The following RYR1 variants were observed in gnomAD, a reference collection of about 807,000 sequenced individuals.
RYR1 encodes the protein central core disease of muscle.
Under a neutral mutation model 583.5 loss-of-function variants are expected in RYR1, and 342 were observed. The observed-to-expected ratio is 0.59, with a 90% CI of 0.54 to 0.64. RYR1 has a LOEUF of 0.64. RYR1 is among the 30% of genes least tolerant of loss of function. The pLI is 0.00. For missense variants in RYR1, 6,032 were observed against 6,917.2 expected (o/e 0.87, Z 4.54); for synonymous variants, 2,791 against 2,822.5 (o/e 0.99, Z 0.35).
chr19:38,563,392 G>A (rs950573876), intron 90 of RYR1, among the ~76,000 whole-genome samples: 2 of 152,206 alleles, frequency 1.3e-5, no homozygotes, highest in Admixed American at 1.3e-4. Flanking sequence ...AGCCTCCTGA[G>A]TAGCTGAGAT....
At chr19:38,532,938 G>C (rs944915116) in intron 78 of RYR1, among the ~76,000 whole-genome samples, 5 of 152,088 alleles carry the variant, frequency 3.3e-5, no homozygotes, top group African/African-American at 1.2e-4. Flanking sequence ...CAGGCAGAGG[G>C]GTCAGGGCTG....
At chr19:38,528,549 G>A (rs1460327388) in intron 74 of RYR1, 50 bp from the exon 75 acceptor site, 1 of 1,607,806 alleles carries the variant, frequency 6.2e-7, no homozygotes, top group Non-Finnish European at 8.5e-7. Context: ...GGGAGGTCGG[G>A]AAGCACGGAG....
At chr19:38,457,985 T>C in intron 17 of RYR1, 66 bp from the exon 18 acceptor site, 1 of 1,554,158 alleles carries the variant, frequency 6.4e-7, no homozygotes, top group Non-Finnish European at 8.8e-7. Flanking sequence ...CTCTCTGGCT[T>C]CCCACCACTT....
chr19:38,585,279 A>G (rs574678149), intron 102 of RYR1, among the ~76,000 whole-genome samples, 180 bp downstream of exon 102: 5 of 151,606 alleles, frequency 3.3e-5, no homozygotes, highest in African/African-American at 4.9e-5. Flanking sequence ...GAGGGTGTCA[A>G]TGGTACTAAC....
At chr19:38,532,645 T>A in intron 77 of RYR1, 26 bp from the exon 78 acceptor site, 3 of 1,613,986 alleles carry the variant, frequency 1.9e-6, no homozygotes, top group Non-Finnish European at 2.5e-6. Context: ...GCTTTGTTCA[T>A]CCCTTAACTG....
intron 84 of RYR1, chr19:38,538,512 A>G (rs1972071719): frequency 6.5e-6 from 1 of 154,888 alleles, no homozygotes; most frequent in African/African-American, 2.4e-5. Flanking sequence ...TTGGCCAAAA[A>G]TCAATTTGCC....
rs771980785 is a variant in RYR1, at chr19:38,517,577, C to G, written c.9904C>G (p.Pro3302Ala). The change falls in exon 66 of 106, where the codon CCA (proline) becomes GCA (alanine). Residue 3302 changes from proline to alanine, a missense_variant. Physicochemically the swap from Pro to Ala is conservative, Grantham distance 27. Around this residue, in one of 11 missense-constraint regions of RYR1, gnomAD observed 1,493 missense variants for 1,715.5 expected, o/e 0.87. Coordinates refer to ENST00000359596, the MANE Select transcript of RYR1 (RefSeq NM_000540.3). The stretch of plus-strand genomic sequence containing the variant: ...TTCCGCCCTGCCCGCCGGCGCCCCC[C>G]CACCCTGCACAGCTGTCACCTCTGA... ...PPSALPAGAP[P>A]PCTAVTSDHL... 1.2e-6 allele frequency: 2 copies of G among 1,613,870 alleles called. No homozygotes were observed. The highest frequency in any genetic ancestry group is 1.1e-5 in the South Asian group (1 of 91,090).
At chr19:38,511,484 T>C (rs1357111929) in intron 60 of RYR1, 77 bp from the exon 61 acceptor site, 1 of 1,455,726 alleles carries the variant, frequency 6.9e-7, no homozygotes, top group African/African-American at 1.4e-5. Flanking sequence ...CTCCTCTAAT[T>C]GGGTCACGCT....
rs2145869568 is a variant in RYR1, at chr19:38,572,067, G to A, written c.13795G>A (p.Gly4599Arg). 6.2e-7 allele frequency: 1 copy of A among 1,614,172 alleles called. No homozygotes were observed. The highest frequency in any genetic ancestry group is 8.5e-7 in the Non-Finnish European group (1 of 1,180,034). ...GEDDMEGSAA[G>R]DVSGAGSGGS... ...GGACGACATGGAAGGCTCAGCTGCT[G>A]GGGATGTGTCAGGTGCAGGCTCTGG... Residue 4599 changes from glycine (G) to arginine (R), a missense_variant, in exon 95 of 106, where the codon GGG becomes AGG. Transcript: ENST00000359596.
rs2145832508 is a variant in RYR1 at position 38,561,574 on chromosome 19, G to A, written c.12624+120G>A. ...GTGCCTCGCATATCTGCCCTGCTCCGGCAAGCCCACGCCCACCCTTTTGTA... is the reference window on the plus strand; with the variant it reads ...GTGCCTCGCATATCTGCCCTGCTCCAGCAAGCCCACGCCCACCCTTTTGTA... On this transcript the variant is annotated intron_variant, in intron 90 of 105. Coordinates refer to ENST00000359596, the MANE Select transcript of RYR1 (RefSeq NM_000540.3). The surrounding 1 kb of genome is among the most constrained non-coding windows in gnomAD (Gnocchi z 4.8). The A allele has an allele frequency of 6.1e-6, 6 of 984,906 alleles. No individual in the cohort carries two copies. The highest frequency in any genetic ancestry group is 1.6e-5 in the South Asian group (1 of 63,316). 61.0% of individuals were successfully genotyped at this position (984,906 alleles called of 1,614,324 possible). A position where few individuals can be genotyped will look rare whatever the true frequency, so the allele number is the denominator to read the frequency against.
In RYR1 at chr19:38,578,137, C is replaced by T; in HGVS notation, c.14304-7C>T. On this transcript the variant is annotated splice_region_variant and splice_polypyrimidine_tract_variant and intron_variant, in intron 98 of 105. Transcript: ENST00000359596. ...TCAAGCATCTCTCCCCACCCCCGCC[C>T]CCACAGGCTCATGTCCATCGATGTC... is the stretch of plus-strand genomic sequence containing the variant. The T allele has an allele frequency of 6.2e-7, 1 of 1,613,532 alleles. No individual in the cohort carries two copies. The highest frequency in any genetic ancestry group is 8.5e-7 in the Non-Finnish European group (1 of 1,179,756).
Position 38,499,602 on chromosome 19 carries a change from C to T in RYR1, c.7028-33C>T, listed in dbSNP as rs779031842. ...CATGGGGAGGTCTCTGATGGTGGCTCATGAGACCCCCTTTCCCCATGCGGG... is the reference window on the plus strand; with the variant it reads ...CATGGGGAGGTCTCTGATGGTGGCTTATGAGACCCCCTTTCCCCATGCGGG... On this transcript the variant is annotated intron_variant, in intron 43 of 105. Coordinates refer to ENST00000359596, the MANE Select transcript of RYR1 (RefSeq NM_000540.3). The surrounding 1 kb of genome is among the most constrained non-coding windows in gnomAD (Gnocchi z 7.3). The T allele has an allele frequency of 8.8e-6, 14 of 1,595,168 alleles. No individual in the cohort carries two copies. The highest frequency in any genetic ancestry group is 1.2e-5 in the Non-Finnish European group (14 of 1,178,798).
At chr19:38,548,880 C>A (rs1972544659) in intron 89 of RYR1, among the ~76,000 whole-genome samples, 1 of 152,176 alleles carries the variant, frequency 6.6e-6, no homozygotes, top group South Asian at 2.1e-4. Context: ...CCTCGCTCAG[C>A]CCCCTTGGGT....
Position 38,466,110 on chromosome 19 carries a change from T to C in RYR1, c.2890T>C (p.Tyr964His). 1 of 1,611,262 alleles carries C rather than the reference T, an allele frequency of 6.2e-7. No individual in the cohort carries two copies. ...CCGCAGGTATATGATGAGCAATGGGTACAAGCCGGCTCCGCTGGACCTGAG... is the reference window on the plus strand; with the variant it reads ...CCGCAGGTATATGATGAGCAATGGGCACAAGCCGGCTCCGCTGGACCTGAG... ...LPKTYMMSNG[Y>H]KPAPLDLSHV... The change falls in exon 24 of 106, where the codon TAC (tyrosine) becomes CAC (histidine). Residue 964 changes from tyrosine to histidine, a missense_variant. This residue lies in a region of RYR1 where 2,627 missense variants were observed against 2,961.3 expected (regional missense o/e 0.89). Coordinates refer to ENST00000359596, the MANE Select transcript of RYR1 (RefSeq NM_000540.3).
chr19:38,528,973 AGGAG>A lies in RYR1; in HGVS notation c.11059_11062del (p.Glu3687LysfsTer23). ...CAGAAAGCTGGGGAGCAGGAGGAGG[AGGAG>A]GAAGAGGTGGAAGAGAAGAAGCCAG... On this transcript the variant is annotated frameshift_variant, in exon 76 of 106. Transcript: ENST00000359596. LOFTEE classifies it high-confidence loss of function. 6.2e-7 allele frequency: 1 copy of A among 1,611,454 alleles called. No individual in the cohort carries two copies. The highest frequency in any genetic ancestry group is 8.5e-7 in the Non-Finnish European group (1 of 1,178,832).
intron 93 of RYR1, among the ~76,000 whole-genome samples, chr19:38,568,802 C>T (rs947446812): frequency 6.6e-6 from 1 of 151,396 alleles, no homozygotes; most frequent in Non-Finnish European, 1.5e-5. Context: ...TCATGTGGAA[C>T]GAAGGTGGTT....
chr19:38,584,495 A>C (rs1599672830), intron 101 of RYR1, among the ~76,000 whole-genome samples: 1 of 14,240 alleles, frequency 7.0e-5, no homozygotes, highest in Non-Finnish European at 1.2e-4. Context: ...TCCAGCCCTG[A>C]CCCCTCTGCC....
In RYR1 at chr19:38,532,700, C is replaced by T. The variant is rs565620143; in HGVS notation, c.11223C>T (p.Asn3741=). The T allele has an allele frequency of 8.7e-6, 14 of 1,613,958 alleles. No homozygotes were observed. Among genetic ancestry groups the T allele is most frequent in the Admixed American group, 6.7e-5 (4 of 59,990 alleles). Residue 3741 remains asparagine (N), a synonymous_variant, in exon 78 of 106, where the codon AAC becomes AAT. Transcript: ENST00000359596. The part of the protein sequence containing the change: ...KSCHLEEGGE[N]GEAEEEVEVS... ...GCCACCTGGAGGAGGGAGGGGAGAA[C>T]GGTGAAGCTGAAGAGGAGGTTGAGG...
rs772028870 is a variant in RYR1, at chr19:38,515,126, C to T, written c.9554+19C>T. ...TGGAAAAGTAAGGAGAGGGAGCCAT[C>T]GTTTGGGGCTGGGTGGGGCTGGAGG... On this transcript the variant is annotated intron_variant, in intron 64 of 105. Transcript: ENST00000359596. 2.8e-6 allele frequency: 3 copies of T among 1,070,806 alleles called. No individual in the cohort carries two copies. The East Asian group carries it at 1.3e-4, about 47-fold the overall frequency. The allele number at this position is 1,070,806 out of a possible 1,614,324, so 66.3% of individuals were successfully genotyped here. A position where few individuals can be genotyped will look rare whatever the true frequency, so the allele number is the denominator to read the frequency against.
Sources: allele counts gnomAD v4.1 joint callset (sites outside exome capture counted in the v4.1 genomes callset), GRCh38; gene constraint gnomAD v4.1.1; regional missense constraint gnomAD v4.1.1; non-coding constraint Gnocchi (gnomAD v3.1); transcripts MANE v1.5; gene names NCBI Gene and HGNC (gene_info 2026-07-23, HGNC 2026-07-21).